The following GJA3 variants were observed in gnomAD, a reference collection of about 807,000 sequenced individuals.
The protein encoded by GJA3 is gap junction protein alpha 3, also known as gap junction alpha-3 protein.
For synonymous variants in GJA3, 297 were observed against 292.6 expected (o/e 1.02, Z -0.15); for missense variants, 571 against 620.3 (o/e 0.92, Z 0.84).
At chr13:20,143,652 C>T (rs1003026419) in intron 1 of GJA3, among the ~76,000 whole-genome samples, 2 of 152,244 alleles carry the variant, frequency 1.3e-5, no homozygotes, top group Admixed American at 6.5e-5. Flanking sequence ...TGAATCATGA[C>T]CTTTCTGTTC....
At chr13:20,152,901 T>C (rs1266166890) in intron 1 of GJA3, among the ~76,000 whole-genome samples, 2 of 152,192 alleles carry the variant, frequency 1.3e-5, no homozygotes, top group Non-Finnish European at 2.9e-5. Context: ...GTTCAGATGC[T>C]CATTTTTGCA....
rs1315903734 is a variant in GJA3 at position 20,142,175 on chromosome 13, G to A, written c.1114C>T (p.Pro372Ser). Residue 372 changes from proline to serine, a missense_variant, in exon 2 of 2, where the codon CCC becomes TCC. Pro to Ser is a moderately conservative substitution (Grantham distance 74, BLOSUM62 -1). Transcript: ENST00000241125. ...CTGCCGCTCCCATCCAGCAGCAGGG[G>A]CGCCGCGCCCGCCTCAGCCTCGTGC... Reference protein sequence around the residue: ...LAHEAEAGAAPLLLDGSGSSL... With the variant: ...LAHEAEAGAASLLLDGSGSSL... 1.3e-6 allele frequency: 2 copies of A among 1,513,232 alleles called. No homozygotes were observed. Among genetic ancestry groups the A allele is most frequent in the South Asian group, 1.3e-5 (1 of 79,372 alleles). The allele number at this position is 1,513,232 out of a possible 1,614,324, so 93.7% of individuals were successfully genotyped here.
At position 20,138,414 on chromosome 13, in the gene GJA3, T is replaced by G. The variant is rs1444174457; in HGVS notation, c.*3567A>C. ...TTTACACACCAAACAGCTTCAAATA[T>G]GGTACTTTCTGGAAACAGTTTGTTG... On this transcript the variant is annotated 3_prime_UTR_variant, in exon 2 of 2. Transcript: ENST00000241125. The G allele has an allele frequency of 6.6e-6, 1 of 152,192 alleles. No individual in the cohort carries two copies. The highest frequency in any genetic ancestry group is 1.5e-5 in the Non-Finnish European group (1 of 68,040). 9.4% of individuals were successfully genotyped at this position (152,192 alleles called of 1,614,324 possible). A position where few individuals can be genotyped will look rare whatever the true frequency, so the allele number is the denominator to read the frequency against.
chr13:20,158,912 C>CAAAAAAAAAAAAAAAAAAAAAAAT (rs1958920719), intron 1 of GJA3, among the ~76,000 whole-genome samples: 1 of 54,980 alleles, frequency 1.8e-5, no homozygotes, highest in Admixed American at 2.6e-4. Context: ...GCAAAACTCT[C>CAAAAAAAAAAAAAAAAAAAAAAAT]AAAAAAAAAA....
At chr13:20,147,254 G>A (rs959486946) in intron 1 of GJA3, among the ~76,000 whole-genome samples, 2 of 152,166 alleles carry the variant, frequency 1.3e-5, no homozygotes, top group Non-Finnish European at 2.9e-5. Context: ...TGGAAATGCC[G>A]AATCAGCCCC....
chr13:20,145,928 C>G (rs539977593), intron 1 of GJA3, among the ~76,000 whole-genome samples: 1 of 152,172 alleles, frequency 6.6e-6, no homozygotes. Context: ...CAAGCTTTCC[C>G]GGGCAAGAGC....
chr13:20,156,247 A>G (rs1958906175), intron 1 of GJA3, among the ~76,000 whole-genome samples: 1 of 146,016 alleles, frequency 6.8e-6, no homozygotes, highest in Non-Finnish European at 1.6e-5. Flanking sequence ...TCTCTAGTCA[A>G]AGGGAGGAAC....
At chr13:20,153,758 T>A (rs1252940891) in intron 1 of GJA3, among the ~76,000 whole-genome samples, 1 of 150,946 alleles carries the variant, frequency 6.6e-6, no homozygotes, top group Non-Finnish European at 1.5e-5. Flanking sequence ...ATTGTGCACA[T>A]GTACCCTAGA....
rs757485714 is a variant in GJA3 at position 20,138,665 on chromosome 13, G to A, written c.*3316C>T. The A allele has an allele frequency of 3.9e-5, 6 of 152,360 alleles. No individual in the cohort carries two copies. The highest frequency in any genetic ancestry group is 4.2e-4 in the South Asian group (2 of 4,816). 9.4% of individuals were successfully genotyped at this position (152,360 alleles called of 1,614,324 possible). On this transcript the variant is annotated 3_prime_UTR_variant, in exon 2 of 2. Coordinates refer to ENST00000241125, the MANE Select transcript of GJA3 (RefSeq NM_021954.4). ...GATATCCTCAATTTGTAGGGGTGGC[G>A]GGTGGTGATGGTGGCAGGACTCTAT...
chr13:20,143,082 G>A lies in GJA3; in HGVS notation c.207C>T (p.Ala69=), dbSNP rs1395257788. The change falls in exon 2 of 2, where the codon GCC becomes GCT. Residue 69 remains alanine, a synonymous_variant. Transcript: ENST00000241125. ...PGCENVCYDR[A]FPISHIRFWA... ...AGAAGCGGATGTGGGAGATGGGGAAGGCCCTGTCGTAGCAGACGTTCTCGC... is the reference window on the plus strand; with the variant it reads ...AGAAGCGGATGTGGGAGATGGGGAAAGCCCTGTCGTAGCAGACGTTCTCGC... The A allele has an allele frequency of 4.3e-6, 7 of 1,613,890 alleles. No homozygotes were observed. Among genetic ancestry groups the A allele is most frequent in the Non-Finnish European group, 5.9e-6 (7 of 1,179,942 alleles).
rs1257122566 is a variant in GJA3, at chr13:20,142,967, C to G, written c.322G>C (p.Glu108Gln). 2 of 1,583,998 alleles carry G rather than the reference C, an allele frequency of 1.3e-6. No individual in the cohort carries two copies. Among genetic ancestry groups the G allele is most frequent in the Non-Finnish European group, 1.7e-6 (2 of 1,165,050 alleles). The change falls in exon 2 of 2, where the codon GAG (glutamate) becomes CAG (glutamine). Residue 108 changes from glutamate to glutamine, a missense_variant. Coordinates refer to ENST00000241125, the MANE Select transcript of GJA3 (RefSeq NM_021954.4). Reference protein sequence around the residue: ...HIVRMEEKKKEREEEEQLKRE... With the variant: ...HIVRMEEKKKQREEEEQLKRE... ...TTCAGCTGCTCCTCCTCCTCCCTCTCTTTCTTCTTCTCTTCCATGCGCACG... is the reference window on the plus strand; with the variant it reads ...TTCAGCTGCTCCTCCTCCTCCCTCTGTTTCTTCTTCTCTTCCATGCGCACG...
At chr13:20,149,074 G>A (rs546691759) in intron 1 of GJA3, among the ~76,000 whole-genome samples, 2 of 152,128 alleles carry the variant, frequency 1.3e-5, no homozygotes, top group Non-Finnish European at 2.9e-5. Flanking sequence ...TCCTTTCAAC[G>A]GTAAATTGTT....
At chr13:20,161,355 C>T (rs1958937160), upstream of GJA3, among the ~76,000 whole-genome samples, 1 of 152,036 alleles carries the variant, frequency 6.6e-6, no homozygotes, top group Non-Finnish European at 1.5e-5. Flanking sequence ...GAGAGGAGAG[C>T]CGAGGGCTGT....
chr13:20,144,839 G>C (rs947254791), intron 1 of GJA3, among the ~76,000 whole-genome samples: 2 of 152,216 alleles, frequency 1.3e-5, no homozygotes, highest in Non-Finnish European at 2.9e-5. Context: ...CAGCTGTGAG[G>C]ACACAGTCTC....
chr13:20,158,718 C>A (rs1403340118), intron 1 of GJA3, among the ~76,000 whole-genome samples: 1 of 151,614 alleles, frequency 6.6e-6, no homozygotes, highest in African/African-American at 2.4e-5. Flanking sequence ...TTGAGACCAG[C>A]CTGTCCAACA....
chr13:20,142,015 C>T lies in GJA3; in HGVS notation c.1274G>A (p.Ser425Asn). Residue 425 changes from serine (S) to asparagine (N), a missense_variant, in exon 2 of 2, where the codon AGC (serine) becomes AAC (asparagine). Coordinates refer to ENST00000241125, the MANE Select transcript of GJA3 (RefSeq NM_021954.4). ...GRASKASRAS[S>N]GRARPEDLAI ...CAAGTCCTCCGGTCTGGCCCGCCCG[C>T]TGCTGGCCCTGCTGGCCTTGCTGGC... 1 of 1,550,396 alleles carries T rather than the reference C, an allele frequency of 6.4e-7. No homozygotes were observed. Among genetic ancestry groups the T allele is most frequent in the African/African-American group, 1.4e-5 (1 of 73,176 alleles).
chr13:20,161,217 C>A (rs1958936251), upstream of GJA3, among the ~76,000 whole-genome samples: 1 of 152,172 alleles, frequency 6.6e-6, no homozygotes, highest in Non-Finnish European at 1.5e-5. Flanking sequence ...ATTCCACACC[C>A]TACCCCGCGC....
chr13:20,143,738 T>A (rs1208105136), intron 1 of GJA3, among the ~76,000 whole-genome samples: 1 of 152,234 alleles, frequency 6.6e-6, no homozygotes, highest in Non-Finnish European at 1.5e-5. Flanking sequence ...TTCTGCCATG[T>A]TAATCTGATA....
At chr13:20,149,313 C>G (rs893332080) in intron 1 of GJA3, among the ~76,000 whole-genome samples, 1 of 151,924 alleles carries the variant, frequency 6.6e-6, no homozygotes. Flanking sequence ...GGCAACATAG[C>G]GAGACTTCCT....
Sources: gnomAD v4.1 joint callset for allele counts (sites outside exome capture counted in the v4.1 genomes callset) on GRCh38, gnomAD v4.1.1 for gene constraint, MANE v1.5 for transcripts, NCBI Gene and HGNC (gene_info 2026-07-23, HGNC 2026-07-21) for gene names.